Variants in ITGA9 observed in about 807,000 individuals in gnomAD.
ITGA9 encodes the protein integrin subunit alpha 9.
A neutral mutation model predicts 127.8 loss-of-function variants in ITGA9; 56 were observed. The observed-to-expected ratio is 0.44, with a 90% CI of 0.35 to 0.55. The LOEUF is 0.55. Among genes scored for constraint, ITGA9 ranks in the 20% least tolerant of loss-of-function variants. The pLI is 0.00. For missense variants in ITGA9, 1,196 were observed against 1,347.1 expected (o/e 0.89, Z 1.76); for synonymous variants, 508 against 514.5 (o/e 0.99, Z 0.17).
chr3:37,720,054 G>C (rs1320699857), intron 18 of ITGA9, among the ~76,000 whole-genome samples: 1 of 152,210 alleles, frequency 6.6e-6, no homozygotes, highest in Non-Finnish European at 1.5e-5. Flanking sequence ...AAATGTCCAT[G>C]TTCGCAGAGG....
At chr3:37,783,760 G>A (rs1439243675) in intron 25 of ITGA9, among the ~76,000 whole-genome samples, 1 of 152,190 alleles carries the variant, frequency 6.6e-6, no homozygotes, top group African/African-American at 2.4e-5. Context: ...CTTGCTTAAA[G>A]TGAGTTAACT....
rs753577778 is a variant in ITGA9 at position 37,743,908 on chromosome 3, C to A, written c.2325-18C>A. ...GACTGTGGGTGGGGATGACAGATTTCATGCTTTCCTCTTTCAGAATCATGT... is the reference window on the plus strand; with the variant it reads ...GACTGTGGGTGGGGATGACAGATTTAATGCTTTCCTCTTTCAGAATCATGT... On this transcript the variant is annotated intron_variant, in intron 21 of 27. Transcript: ENST00000264741. 8 of 1,566,988 alleles carry A rather than the reference C, an allele frequency of 5.1e-6. No homozygotes were observed. The highest frequency in any genetic ancestry group is 4.1e-5 in the African/African-American group (3 of 73,940).
intron 27 of ITGA9, chr3:37,818,190 C>G (rs1172496450): frequency 1.7e-5 from 1 of 57,364 alleles, no homozygotes; most frequent in African/African-American, 9.1e-5. Context: ...TTAAGACTCT[C>G]TAAAAAAAAA....
Position 37,725,446 on chromosome 3 carries a change from A to C in ITGA9, c.2068-7266A>C, listed in dbSNP as rs111539617. On this transcript the variant is annotated intron_variant, in intron 18 of 27. Coordinates refer to ENST00000264741, the MANE Select transcript of ITGA9 (RefSeq NM_002207.3). ...TTTTCCCCACACCTGTGTGTATTCA[A>C]AGCACCATGTCATGTTCTGTAGGGA... Among the ~76,000 whole-genome samples the C allele has an allele frequency of 2.8e-3, 420 of 152,268 alleles. 5 individuals are homozygous for C. The highest frequency in any genetic ancestry group is 9.5e-3 in the African/African-American group (396 of 41,548).
At chr3:37,578,461 C>T (rs1258006890) in intron 15 of ITGA9, among the ~76,000 whole-genome samples, 1 of 152,314 alleles carries the variant, frequency 6.6e-6, no homozygotes, top group East Asian at 1.9e-4. Context: ...TCAAGGAAGA[C>T]AGCAGCTGTC....
chr3:37,636,901 A>G (rs1409505196), intron 16 of ITGA9, among the ~76,000 whole-genome samples: 2 of 151,934 alleles, frequency 1.3e-5, no homozygotes, highest in African/African-American at 2.4e-5. Context: ...TCCTTTCCCC[A>G]TTGCTTGTTT....
intron 9 of ITGA9, 143 bp from the exon 10 acceptor site, chr3:37,517,361 C>G: frequency 1.4e-6 from 1 of 704,688 alleles, no homozygotes. Flanking sequence ...AGTTTGGGTT[C>G]CTGTAATTCT....
At chr3:37,611,149 A>T (rs1008058443) in intron 15 of ITGA9, among the ~76,000 whole-genome samples, 3 of 152,202 alleles carry the variant, frequency 2.0e-5, no homozygotes, top group Admixed American at 2.0e-4. Flanking sequence ...TGGTGGTCTC[A>T]AAATGCACCA....
chr3:37,717,095 G>A (rs951911410), intron 18 of ITGA9, among the ~76,000 whole-genome samples: 2 of 152,302 alleles, frequency 1.3e-5, no homozygotes, highest in African/African-American at 2.4e-5. Flanking sequence ...CCCTAAGCTG[G>A]TATATGTTTC....
At chr3:37,497,464 C>T (rs775301660) in intron 5 of ITGA9, among the ~76,000 whole-genome samples, 62 of 152,062 alleles carry the variant, frequency 4.1e-4, no homozygotes, top group Admixed American at 1.0e-3. Context: ...TGAACAAACT[C>T]CCATATTTTA....
At chr3:37,475,576 C>T (rs17227306) in intron 3 of ITGA9, among the ~76,000 whole-genome samples, 16,684 of 152,202 alleles carry the variant, frequency 0.11, 1,066 homozygotes, top group Middle Eastern at 0.16. Flanking sequence ...ATAGTCCTGT[C>T]TAATTAATTG....
Position 37,758,083 on chromosome 3 carries a change from G to A in ITGA9, c.2541+7514G>A, listed in dbSNP as rs536638931. Among the ~76,000 whole-genome samples, 67 of 151,410 alleles carry A rather than the reference G, an allele frequency of 4.4e-4. 1 individual carries two copies. Among genetic ancestry groups the A allele is most frequent in the African/African-American group, 1.6e-3 (65 of 40,894 alleles). ...TCACGCCTGTAATCCCAGCACTTTG[G>A]GAGGCCGAGGCGGGTGGATCATGAG... On this transcript the variant is annotated intron_variant, in intron 23 of 27. Coordinates refer to ENST00000264741, the MANE Select transcript of ITGA9 (RefSeq NM_002207.3).
intron 27 of ITGA9, among the ~76,000 whole-genome samples, chr3:37,815,587 T>C (rs1697421326): frequency 6.8e-6 from 1 of 148,090 alleles, no homozygotes; most frequent in Non-Finnish European, 1.5e-5. Flanking sequence ...CCAGCCTGGG[T>C]GACAGAGTGA....
intron 15 of ITGA9, among the ~76,000 whole-genome samples, chr3:37,569,892 A>T (rs1017396910): frequency 1.2e-4 from 18 of 152,322 alleles, no homozygotes; most frequent in South Asian, 4.1e-4. Context: ...GATATTTCAA[A>T]ATCTGAAAAA....
At chr3:37,651,715 A>G (rs1559558479) in intron 16 of ITGA9, among the ~76,000 whole-genome samples, 1 of 152,172 alleles carries the variant, frequency 6.6e-6, no homozygotes, top group East Asian at 1.9e-4. Flanking sequence ...GACTCAGAGA[A>G]GTGGTCTGGA....
chr3:37,765,121 T>C (rs1194937556), intron 23 of ITGA9, among the ~76,000 whole-genome samples: 1 of 152,116 alleles, frequency 6.6e-6, no homozygotes, highest in African/African-American at 2.4e-5. Context: ...AAGAAATGGC[T>C]GCTTCCACTC....
intron 14 of ITGA9, among the ~76,000 whole-genome samples, chr3:37,535,143 T>C (rs1699196152): frequency 6.6e-6 from 1 of 152,266 alleles, no homozygotes; most frequent in Non-Finnish European, 1.5e-5. Flanking sequence ...ATGCTTATTA[T>C]GTATCCACAT....
intron 15 of ITGA9, among the ~76,000 whole-genome samples, chr3:37,577,757 C>T (rs1038271716): frequency 1.3e-5 from 2 of 152,264 alleles, no homozygotes; most frequent in East Asian, 3.9e-4. Flanking sequence ...GACTTCTTCC[C>T]GTGTGATGAT....
At chr3:37,460,204 C>G (rs1359639421) in intron 1 of ITGA9, among the ~76,000 whole-genome samples, 1 of 152,174 alleles carries the variant, frequency 6.6e-6, no homozygotes, top group African/African-American at 2.4e-5. Context: ...CAGAATCACT[C>G]CTGGGTTTGT....
Sources: allele counts gnomAD v4.1 joint callset (sites outside exome capture counted in the v4.1 genomes callset), GRCh38; gene constraint gnomAD v4.1.1; transcripts MANE v1.5; gene names NCBI Gene and HGNC (gene_info 2026-07-23, HGNC 2026-07-21).